The following TMPRSS11F variants were observed in gnomAD, a reference collection of about 807,000 sequenced individuals.
TMPRSS11F encodes the protein transmembrane protease serine 11F.
A neutral mutation model predicts 60.2 loss-of-function variants in TMPRSS11F; 47 were observed. The ratio of observed to expected loss-of-function variants is 0.78; its 90% CI spans 0.62 to 1.00. TMPRSS11F has a LOEUF of 1.00. TMPRSS11F is among the 50% of genes least tolerant of loss of function. The pLI is 0.00. For synonymous variants in TMPRSS11F, 166 were observed against 167.3 expected (o/e 0.99, Z 0.06); for missense variants, 519 against 522.9 (o/e 0.99, Z 0.07).
At chr4:68,084,365 C>T (rs549294486) in intron 3 of TMPRSS11F, among the ~76,000 whole-genome samples, 1 of 152,182 alleles carries the variant, frequency 6.6e-6, no homozygotes, top group East Asian at 1.9e-4. Context: ...GGCATACAGT[C>T]GTCAGATTCA....
At chr4:68,059,048 G>A (rs943503972) in intron 9 of TMPRSS11F, among the ~76,000 whole-genome samples, 1 of 152,044 alleles carries the variant, frequency 6.6e-6, no homozygotes, top group African/African-American at 2.4e-5. Context: ...GAGGGGCGAA[G>A]GGAAATGACT....
chr4:68,064,543 C>T (rs551991384), intron 8 of TMPRSS11F, 142 bp downstream of exon 8: 781 of 945,434 alleles, frequency 8.3e-4, no homozygotes, highest in Non-Finnish European at 1.0e-3. Flanking sequence ...TTTTAACCCA[C>T]AGTCTCCTGT....
intron 3 of TMPRSS11F, chr4:68,077,745 C>CA (rs1229968905): frequency 6.6e-6 from 1 of 152,250 alleles, no homozygotes; most frequent in Non-Finnish European, 1.5e-5. Flanking sequence ...ACAAGTGTAA[C>CA]ACTACTCAAC....
chr4:68,055,644 TC>T (rs1430874776), intron 9 of TMPRSS11F, among the ~76,000 whole-genome samples: 1 of 152,108 alleles, frequency 6.6e-6, no homozygotes, highest in African/African-American at 2.4e-5. Context: ...CTACCAAGCA[TC>T]TAAAGAAGAA....
At chr4:68,095,857 T>C (rs547692107) in intron 2 of TMPRSS11F, among the ~76,000 whole-genome samples, 99 of 128,944 alleles carry the variant, frequency 7.7e-4, no homozygotes, top group Admixed American at 1.3e-3. Flanking sequence ...GACTGTGCCA[T>C]TGCACTACAG....
At chr4:68,119,679 C>CA (rs910423850) in intron 1 of TMPRSS11F, among the ~76,000 whole-genome samples, 2 of 151,992 alleles carry the variant, frequency 1.3e-5, no homozygotes, top group African/African-American at 2.4e-5. Flanking sequence ...CTTATTGCTC[C>CA]AAAAAAAGAG....
chr4:68,071,010 G>A (rs182964477), intron 5 of TMPRSS11F, among the ~76,000 whole-genome samples: 1,821 of 151,184 alleles, frequency 0.012, 18 homozygotes, highest in Non-Finnish European at 0.019. Context: ...AACCAACAAT[G>A]CCAAAATTTT....
At position 68,098,956 on chromosome 4, in the gene TMPRSS11F, G is replaced by C. The variant is rs865859521; in HGVS notation, c.94C>G (p.Leu32Val). ...QQFWDSVRLA[L>V]FTLAIVAIIG... is the part of the protein sequence containing the mutation. ...ATTGCTACAATTGCTAATGTGAAAA[G>C]AGCTAGCCGTACTGAGTCCCAAAAT... The change falls in exon 2 of 10, where the codon CTT (leucine) becomes GTT (valine). Residue 32 changes from leucine to valine, a missense_variant. Transcript: ENST00000356291. 6.2e-7 allele frequency: 1 copy of C among 1,613,132 alleles called. No homozygotes were observed. Among genetic ancestry groups the C allele is most frequent in the South Asian group, 1.1e-5 (1 of 90,964 alleles).
intron 1 of TMPRSS11F, 44 bp downstream of exon 1, chr4:68,129,766 C>G: frequency 6.2e-7 from 1 of 1,603,346 alleles, no homozygotes; most frequent in Non-Finnish European, 8.5e-7. Context: ...TTGTAAACCT[C>G]TGTCCCCACT....
chr4:68,128,302 C>T (rs1345313991), intron 1 of TMPRSS11F, among the ~76,000 whole-genome samples: 1 of 152,064 alleles, frequency 6.6e-6, no homozygotes, highest in African/African-American at 2.4e-5. Flanking sequence ...TATTTTAAAT[C>T]CTCCAAATAA....
chr4:68,063,364 T>C (rs1337789514), intron 8 of TMPRSS11F: 7 of 419,984 alleles, frequency 1.7e-5, no homozygotes, highest in Non-Finnish European at 2.8e-5. Context: ...CTCTCTTTTT[T>C]TTTGTTTTCT....
At chr4:68,055,936 G>A (rs531296961) in intron 9 of TMPRSS11F, among the ~76,000 whole-genome samples, 5 of 152,124 alleles carry the variant, frequency 3.3e-5, no homozygotes, top group African/African-American at 9.6e-5. Context: ...TTAACAAAAC[G>A]AAGGCTAAAA....
chr4:68,092,709 A>T (rs1723968736), intron 2 of TMPRSS11F, among the ~76,000 whole-genome samples: 1 of 118,474 alleles, frequency 8.4e-6, no homozygotes, highest in Non-Finnish European at 2.1e-5. Context: ...TTTCACAATT[A>T]AAGTTTTATT....
chr4:68,089,256 C>T (rs1723877522), intron 3 of TMPRSS11F, among the ~76,000 whole-genome samples: 1 of 151,996 alleles, frequency 6.6e-6, no homozygotes, highest in African/African-American at 2.4e-5. Flanking sequence ...AATTTTACAT[C>T]CCATGAACTT....
chr4:68,123,382 T>C (rs1427923007), intron 1 of TMPRSS11F, among the ~76,000 whole-genome samples: 1 of 152,156 alleles, frequency 6.6e-6, no homozygotes, highest in Non-Finnish European at 1.5e-5. Context: ...ACACATTCCT[T>C]GAGTTAACTT....
intron 1 of TMPRSS11F, among the ~76,000 whole-genome samples, chr4:68,127,083 T>C (rs1365748990): frequency 6.6e-6 from 1 of 152,198 alleles, no homozygotes; most frequent in Non-Finnish European, 1.5e-5. Context: ...TCAACTTTTA[T>C]TATGTAGTAT....
chr4:68,091,793 A>C lies in TMPRSS11F; in HGVS notation c.164-1152T>G, dbSNP rs1349739900. ...TCTCTCTCTCTCTCTCTATCTATCTATCTATCTTTTTGAGATGGAGTCTCA... is the reference window on the plus strand; with the variant it reads ...TCTCTCTCTCTCTCTCTATCTATCTCTCTATCTTTTTGAGATGGAGTCTCA... On this transcript the variant is annotated intron_variant, in intron 2 of 9. Coordinates refer to ENST00000356291, the MANE Select transcript of TMPRSS11F (RefSeq NM_207407.2). Among the ~76,000 whole-genome samples, 305 of 118,806 alleles carry C rather than the reference A, an allele frequency of 2.6e-3. 1 individual carries two copies. Among genetic ancestry groups the C allele is most frequent in the Admixed American group, 3.2e-3 (38 of 11,894 alleles). 77.9% of individuals were successfully genotyped at this position (118,806 alleles called of 152,430 possible).
intron 1 of TMPRSS11F, among the ~76,000 whole-genome samples, chr4:68,100,368 G>C (rs997556975): frequency 5.9e-5 from 9 of 152,134 alleles, no homozygotes; most frequent in Non-Finnish European, 1.3e-4. Context: ...AAGTCACACA[G>C]ATGTGAATGA....
chr4:68,058,553 A>T (rs1280103368), intron 9 of TMPRSS11F, among the ~76,000 whole-genome samples: 3 of 152,236 alleles, frequency 2.0e-5, no homozygotes, highest in African/African-American at 7.2e-5. Context: ...AAAATAGATT[A>T]AAATATGTCT....
Sources: gnomAD v4.1 joint callset for allele counts (sites outside exome capture counted in the v4.1 genomes callset) on GRCh38, gnomAD v4.1.1 for gene constraint, MANE v1.5 for transcripts, NCBI Gene and HGNC (gene_info 2026-07-23, HGNC 2026-07-21) for gene names.